Variants in RPA2 observed in about 807,000 individuals in gnomAD.
RPA2 encodes replication protein A 32 kDa subunit.
RPA2 carries 22 observed loss-of-function variants against 33.4 expected under a neutral mutation model. That is an observed-to-expected ratio of 0.66 (90% CI 0.47 to 0.94). RPA2 has a LOEUF of 0.94. RPA2 is among the 40% of genes least tolerant of loss of function. RPA2 has a pLI of 0.00. For synonymous variants in RPA2, 109 were observed against 114.9 expected, an observed-to-expected ratio of 0.95 and a Z score of 0.33; for missense variants, 279 against 329.9, an observed-to-expected ratio of 0.85 and a Z score of 1.19.
At chr1:27,896,170 A>C (rs927746296) in intron 6 of RPA2, among the ~76,000 whole-genome samples, 3 of 152,158 alleles carry the variant, frequency 2.0e-5, no homozygotes, top group African/African-American at 7.2e-5. Context: ...CTATCAAATC[A>C]AAGTAGGCGC....
chr1:27,899,259 A>AG (rs961248056), intron 4 of RPA2, among the ~76,000 whole-genome samples: 48 of 151,810 alleles, frequency 3.2e-4, no homozygotes, highest in African/African-American at 1.1e-3. Flanking sequence ...CTGTAATCCC[A>AG]GCTCTTTGGG....
At chr1:27,913,587 C>CAA (rs111823126) in intron 2 of RPA2, among the ~76,000 whole-genome samples, 2 of 80,168 alleles carry the variant, frequency 2.5e-5, no homozygotes, top group African/African-American at 9.3e-5. Context: ...GGTTCCATCT[C>CAA]AAAAAAAAAA....
chr1:27,909,716 GAAAAA>G (rs1031564190), intron 2 of RPA2, among the ~76,000 whole-genome samples: 1 of 135,532 alleles, frequency 7.4e-6, no homozygotes, highest in East Asian at 2.1e-4. Context: ...CTCAAAAAGA[GAAAAA>G]AAAAAAAGAG....
chr1:27,893,217 G>A (rs995017474), intron 8 of RPA2, among the ~76,000 whole-genome samples: 15 of 152,190 alleles, frequency 9.9e-5, no homozygotes, highest in Admixed American at 9.8e-4. Flanking sequence ...TGCTGAATGA[G>A]TGATGTGATG....
At chr1:27,898,121 C>A (rs1415902331) in intron 4 of RPA2, among the ~76,000 whole-genome samples, 1 of 152,118 alleles carries the variant, frequency 6.6e-6, no homozygotes, top group Non-Finnish European at 1.5e-5. Flanking sequence ...CTCAACTTCC[C>A]CAGTAGCTGG....
chr1:27,905,536 C>T, intron 4 of RPA2, among the ~76,000 whole-genome samples: 1 of 152,150 alleles, frequency 6.6e-6, no homozygotes, highest in South Asian at 2.1e-4. Flanking sequence ...GGTGATCTGC[C>T]TGCCTTGGCT....
chr1:27,914,673 G>A, upstream of RPA2: 1 of 1,613,002 alleles, frequency 6.2e-7, no homozygotes, highest in Non-Finnish European at 8.5e-7. Context: ...TCCAGAAAAC[G>A]CGTACTGCGC....
chr1:27,911,629 T>A (rs1557475721), intron 2 of RPA2, among the ~76,000 whole-genome samples: 3 of 152,134 alleles, frequency 2.0e-5, no homozygotes, highest in African/African-American at 7.2e-5. Flanking sequence ...CAGGGAGAAG[T>A]TGCTGCTCAT....
intron 2 of RPA2, 47 bp from the exon 3 acceptor site, chr1:27,907,329 C>A: frequency 6.9e-7 from 1 of 1,458,338 alleles, no homozygotes; most frequent in Non-Finnish European, 9.5e-7. Flanking sequence ...GTAATAACTA[C>A]CACTCATTCA....
intron 6 of RPA2, 136 bp downstream of exon 6, chr1:27,896,869 A>G: frequency 3.3e-6 from 2 of 604,118 alleles, no homozygotes; most frequent in Non-Finnish European, 2.9e-6. Flanking sequence ...AAGCTAATGG[A>G]GAAAGTGTTC....
At chr1:27,906,366 C>CAA (rs199774309) in intron 4 of RPA2, among the ~76,000 whole-genome samples, 1 of 141,352 alleles carries the variant, frequency 7.1e-6, no homozygotes, top group Admixed American at 7.1e-5. Flanking sequence ...GATTCTGTCT[C>CAA]AAAAAAAAAA....
intron 1 of RPA2, 107 bp from the exon 2 acceptor site, chr1:27,914,276 C>T (rs768098414): frequency 1.3e-6 from 2 of 1,598,382 alleles, no homozygotes; most frequent in African/African-American, 1.3e-5. Context: ...GTCTCCCTAA[C>T]CTTCCTCGCC....
At chr1:27,913,913 G>T in intron 2 of RPA2, 150 bp downstream of exon 2, 2 of 780,452 alleles carry the variant, frequency 2.6e-6, no homozygotes, top group Non-Finnish European at 3.7e-6. Context: ...GAAACTTACA[G>T]CACTTAATTA....
upstream of RPA2, chr1:27,914,787 C>T: frequency 1.9e-6 from 2 of 1,044,348 alleles, no homozygotes; most frequent in Non-Finnish European, 2.8e-6. Flanking sequence ...AAGAAATCAA[C>T]CAATCAGAAC....
Position 27,895,988 on chromosome 1 carries a change from T to C in RPA2, c.525+1017A>G, listed in dbSNP as rs74065451. ...GGTTTAGAATGTTCCTCATCTAAAA[T>C]TGTACCATTCTTGTTCCCTCCATCA... On this transcript the variant is annotated intron_variant, in intron 6 of 8. Coordinates refer to ENST00000373912, the MANE Select transcript of RPA2 (RefSeq NM_002946.5). Among the ~76,000 whole-genome samples the C allele has an allele frequency of 2.9e-3, 443 of 152,268 alleles. 1 individual carries two copies. The highest frequency in any genetic ancestry group is 0.01 in the African/African-American group (432 of 41,546).
At chr1:27,901,694 C>A (rs1257100061) in intron 4 of RPA2, among the ~76,000 whole-genome samples, 4 of 151,674 alleles carry the variant, frequency 2.6e-5, no homozygotes, top group East Asian at 1.9e-4. Flanking sequence ...AACAAACAAA[C>A]AAAAAAAACA....
Position 27,892,355 on chromosome 1 carries a change from A to G in RPA2, c.729-108T>C, listed in dbSNP as rs1053726500. 12 of 795,952 alleles carry G rather than the reference A, an allele frequency of 1.5e-5. No homozygotes were observed. The African/African-American group carries it at 1.9e-4, about 13-fold the overall frequency. The allele number at this position is 795,952 out of a possible 1,614,324, so 49.3% of individuals were successfully genotyped here. ...AACTTCGCTTATCTCCCAACTTTCT[A>G]CCTTAGCTAAGAATTCACAAGTATT... On this transcript the variant is annotated intron_variant, in intron 8 of 8. Transcript: ENST00000373912.
chr1:27,909,196 C>A (rs1335685830), intron 2 of RPA2, among the ~76,000 whole-genome samples: 2 of 152,154 alleles, frequency 1.3e-5, no homozygotes, highest in African/African-American at 4.8e-5. Context: ...AATACCTGTA[C>A]TACATGGAAG....
chr1:27,895,571 C>G (rs750562005), intron 6 of RPA2, among the ~76,000 whole-genome samples: 1 of 150,670 alleles, frequency 6.6e-6, no homozygotes, highest in African/African-American at 2.4e-5. Flanking sequence ...AAAAATTAGC[C>G]GGGTGTGGTG....
Sources: allele counts gnomAD v4.1 joint callset (sites outside exome capture counted in the v4.1 genomes callset), GRCh38; gene constraint gnomAD v4.1.1; transcripts MANE v1.5; gene names NCBI Gene and HGNC (gene_info 2026-07-23, HGNC 2026-07-21).